Variants in MRPS25 observed in about 807,000 individuals in gnomAD.
The protein encoded by MRPS25 is mitochondrial ribosomal protein S25.
A neutral mutation model predicts 17.3 loss-of-function variants in MRPS25; 15 were observed. The observed-to-expected ratio is 0.87, with a 90% confidence interval of 0.58 to 1.34. The LOEUF is 1.34. MRPS25 is among the 40% of genes most tolerant of loss of function. MRPS25 has a pLI of 0.00. For missense variants in MRPS25, 225 were observed against 218.6 expected (o/e 1.03, Z -0.19); for synonymous variants, 94 against 83.3 (o/e 1.13, Z -0.70).
chr3:15,042,633 A>G, downstream of MRPS25: 1 of 549,952 alleles, frequency 1.8e-6, no homozygotes, highest in Non-Finnish European at 3.2e-6. Flanking sequence ...ACATCTGTAC[A>G]TACATTTTGT....
At chr3:15,053,123 A>G (rs2042626599) in intron 3 of MRPS25, among the ~76,000 whole-genome samples, 1 of 152,192 alleles carries the variant, frequency 6.6e-6, no homozygotes, top group South Asian at 2.1e-4. Flanking sequence ...GCTGCATTTC[A>G]GCTTCCCGTC....
chr3:15,054,351 G>A (rs1479089311), intron 2 of MRPS25, among the ~76,000 whole-genome samples: 2 of 152,170 alleles, frequency 1.3e-5, no homozygotes, highest in Non-Finnish European at 2.9e-5. Context: ...AACAAATGGC[G>A]CTGGGATAAC....
chr3:15,052,222 GT>G lies in MRPS25; in HGVS notation c.*218del, dbSNP rs1262172943. 127 of 1,285,102 alleles carry G rather than the reference GT, an allele frequency of 9.9e-5. No individual in the cohort carries two copies. The highest frequency in any genetic ancestry group is 3.6e-5 in the Admixed American group (1 of 27,678). The allele number at this position is 1,285,102 out of a possible 1,614,324, so 79.6% of individuals were successfully genotyped here. A position where few individuals can be genotyped will look rare whatever the true frequency, so the allele number is the denominator to read the frequency against. On this transcript the variant is annotated 3_prime_UTR_variant, in exon 4 of 4. Transcript: ENST00000253686. The stretch of plus-strand genomic sequence containing the variant: ...ACACGCCAAGCTGCTATTAGGAAGC[GT>G]TTTATTGACCAGCAGAGCAGGGATA...
intron 2 of MRPS25, among the ~76,000 whole-genome samples, chr3:15,057,253 C>G (rs1426079831): frequency 6.6e-6 from 1 of 152,218 alleles, no homozygotes; most frequent in African/African-American, 2.4e-5. Context: ...GGCCAACGCT[C>G]CCAGAGCTGC....
chr3:15,051,948 G>A lies in MRPS25; in HGVS notation c.*493C>T. The A allele has an allele frequency of 1.0e-6, 1 of 986,062 alleles. No individual in the cohort carries two copies. The highest frequency in any genetic ancestry group is 1.2e-6 in the Non-Finnish European group (1 of 830,424). The allele number at this position is 986,062 out of a possible 1,614,324, so 61.1% of individuals were successfully genotyped here. The stretch of plus-strand genomic sequence containing the variant: ...AGCACTGCACGAAGGGTTGCCTTTG[G>A]ATTTCTGAAAAATACCCCCAAGGAA... On this transcript the variant is annotated 3_prime_UTR_variant, in exon 4 of 4. Coordinates refer to ENST00000253686, the MANE Select transcript of MRPS25 (RefSeq NM_022497.5).
chr3:15,049,881 A>C lies in MRPS25; in HGVS notation c.*2560T>G. On this transcript the variant is annotated 3_prime_UTR_variant, in exon 4 of 4. Transcript: ENST00000253686. ...GTGATCCTCCTGCCTCAGCCTCCTG[A>C]GTAACTGGGACCACAGCAGATGATA... is the stretch of plus-strand genomic sequence containing the variant. 4 of 1,514,620 alleles carry C rather than the reference A, an allele frequency of 2.6e-6. No homozygotes were observed. Among genetic ancestry groups the C allele is most frequent in the Non-Finnish European group, 3.5e-6 (4 of 1,129,240 alleles). The allele number at this position is 1,514,620 out of a possible 1,614,324, so 93.8% of individuals were successfully genotyped here. A position where few individuals can be genotyped will look rare whatever the true frequency, so the allele number is the denominator to read the frequency against.
In MRPS25 at chr3:15,052,575, C is replaced by T. The variant is rs750588798; in HGVS notation, c.388G>A (p.Gly130Ser). ...KKQLSHPANF[G>S]PRKYCLRECI... ...TCCCGCAGGCAGTACTTTCGAGGGCCGAAGTTGGCTGGGTGAGAAAGCTGC... is the reference window on the plus strand; with the variant it reads ...TCCCGCAGGCAGTACTTTCGAGGGCTGAAGTTGGCTGGGTGAGAAAGCTGC... The change falls in exon 4 of 4, where the codon GGC becomes AGC. Residue 130 changes from glycine (G) to serine (S), a missense_variant. Coordinates refer to ENST00000253686, the MANE Select transcript of MRPS25 (RefSeq NM_022497.5). 19 of 1,614,184 alleles carry T rather than the reference C, an allele frequency of 1.2e-5. No individual in the cohort carries two copies. The East Asian group carries it at 1.8e-4, about 15-fold the overall frequency.
At chr3:15,064,370 A>AG (rs2042826020) in intron 1 of MRPS25, among the ~76,000 whole-genome samples, 1 of 152,090 alleles carries the variant, frequency 6.6e-6, no homozygotes, top group Admixed American at 6.5e-5. Context: ...AAGACATCCT[A>AG]GGCGTTCCCT....
chr3:15,050,765 C>T lies in MRPS25; in HGVS notation c.*1676G>A, dbSNP rs2042591549. 8 of 985,436 alleles carry T rather than the reference C, an allele frequency of 8.1e-6. No individual in the cohort carries two copies. The South Asian group carries it at 1.9e-4, about 23-fold the overall frequency. 61.0% of individuals were successfully genotyped at this position (985,436 alleles called of 1,614,324 possible). On this transcript the variant is annotated 3_prime_UTR_variant, in exon 4 of 4. Coordinates refer to ENST00000253686, the MANE Select transcript of MRPS25 (RefSeq NM_022497.5). ...CCATTATACATCAGTCTCTGCCCAC[C>T]TTCCCCTCCCACCCCCGACAAGCCA... is the stretch of plus-strand genomic sequence containing the variant.
chr3:15,057,386 CT>C (rs371724885), intron 2 of MRPS25, among the ~76,000 whole-genome samples: 349 of 152,272 alleles, frequency 2.3e-3, no homozygotes, highest in African/African-American at 7.9e-3. Context: ...TTACAAAAAT[CT>C]AAAGGGTCAT....
chr3:15,052,642 G>C lies in MRPS25; in HGVS notation c.330-9C>G. Reference sequence around the variant, plus strand: ...CTTCCCTGAGGGTTTCCCTGCCAAAGAGCACAGACGGCAACCAAGCATTGG... The same window carrying C: ...CTTCCCTGAGGGTTTCCCTGCCAAACAGCACAGACGGCAACCAAGCATTGG... On this transcript the variant is annotated splice_polypyrimidine_tract_variant and intron_variant, in intron 3 of 3. Coordinates refer to ENST00000253686, the MANE Select transcript of MRPS25 (RefSeq NM_022497.5). The C allele has an allele frequency of 1.1e-5, 17 of 1,611,514 alleles. No individual in the cohort carries two copies. The highest frequency in any genetic ancestry group is 1.4e-5 in the Non-Finnish European group (17 of 1,178,448).
At chr3:15,043,071 A>G, downstream of MRPS25, 1 of 1,477,238 alleles carries the variant, frequency 6.8e-7, no homozygotes, top group South Asian at 1.4e-5. Flanking sequence ...ATACAAAGAA[A>G]AGTAGTGGTA....
At chr3:15,057,692 TA>T (rs1428667283) in intron 2 of MRPS25, among the ~76,000 whole-genome samples, 2 of 152,192 alleles carry the variant, frequency 1.3e-5, no homozygotes, top group Non-Finnish European at 2.9e-5. Context: ...GGCATGTACG[TA>T]AGTGTACAGG....
Position 15,049,034 on chromosome 3 carries a change from CTTTG to C in MRPS25, c.*3403_*3406del, listed in dbSNP as rs1215994654. ...CAGCTTTCTTCTCCCTGTGAAATCA[CTTTG>C]TTTATGTGATGGCATTTAAAAAATA... On this transcript the variant is annotated 3_prime_UTR_variant, in exon 4 of 4. Coordinates refer to ENST00000253686, the MANE Select transcript of MRPS25 (RefSeq NM_022497.5). 3.9e-5 allele frequency: 6 copies of C among 152,594 alleles called. No homozygotes were observed. Among genetic ancestry groups the C allele is most frequent in the Non-Finnish European group, 5.9e-5 (4 of 68,036 alleles). The allele number at this position is 152,594 out of a possible 1,614,324, so 9.5% of individuals were successfully genotyped here.
chr3:15,059,498 C>T (rs201165284), intron 1 of MRPS25, 23 bp from the exon 2 acceptor site: 59 of 1,521,902 alleles, frequency 3.9e-5, no homozygotes, highest in Non-Finnish European at 5.4e-5. Context: ...AGAAATGAAG[C>T]CTATGAAACA....
At chr3:15,048,129 TTTTAAAAACAC>T (rs1399459325), downstream of MRPS25, 1 of 152,664 alleles carries the variant, frequency 6.6e-6, no homozygotes, top group South Asian at 2.1e-4. Context: ...TATCAAAATG[TTTTAAAAACAC>T]TTTATGAGAC....
intron 1 of MRPS25, among the ~76,000 whole-genome samples, chr3:15,062,634 A>C (rs1261672363): frequency 4.6e-5 from 7 of 152,276 alleles, no homozygotes; most frequent in African/African-American, 1.7e-4. Flanking sequence ...AAAGGGGGGA[A>C]AGGTGGGGAA....
chr3:15,043,611 G>T, downstream of MRPS25: 1 of 152,778 alleles, frequency 6.5e-6, no homozygotes, highest in Non-Finnish European at 1.5e-5. Context: ...ACATGTTGTG[G>T]AGTTGAGCTG....
chr3:15,043,043 C>T, downstream of MRPS25: 1 of 1,572,642 alleles, frequency 6.4e-7, no homozygotes, highest in Non-Finnish European at 8.6e-7. Flanking sequence ...GCAACAGAAT[C>T]CTTCCAGGAC....
Sources: allele counts gnomAD v4.1 joint callset (sites outside exome capture counted in the v4.1 genomes callset), GRCh38; gene constraint gnomAD v4.1.1; transcripts MANE v1.5; gene names NCBI Gene and HGNC (gene_info 2026-07-23, HGNC 2026-07-21).